KIFC3: variants seen among roughly 807,000 people sequenced by gnomAD.
The protein encoded by KIFC3 is kinesin-like protein KIFC3.
Under a neutral mutation model 101.8 loss-of-function variants are expected in KIFC3, and 60 were observed. The observed-to-expected ratio is 0.59, with a 90% CI of 0.48 to 0.73. The LOEUF (loss-of-function observed/expected upper bound fraction) is 0.73. KIFC3 is among the 30% of genes least tolerant of loss of function. The probability of loss-of-function intolerance (pLI) is 0.00; values close to 1 mark genes in which losing one functional copy is unlikely to be tolerated. For synonymous variants in KIFC3, 476 were observed against 482.7 expected (o/e 0.99, Z 0.18); for missense variants, 966 against 1,137.1 (o/e 0.85, Z 2.16).
intron 3 of KIFC3, among the ~76,000 whole-genome samples, chr16:57,782,682 G>T (rs1289530211): frequency 2.6e-5 from 4 of 152,214 alleles, no homozygotes; most frequent in Non-Finnish European, 5.9e-5. Flanking sequence ...GGTGGCTCAC[G>T]CCTGTAATCC....
intron 1 of KIFC3, among the ~76,000 whole-genome samples, chr16:57,831,644 C>G (rs1375260438): frequency 6.6e-6 from 1 of 152,078 alleles, no homozygotes; most frequent in African/African-American, 2.4e-5. Context: ...GAGCTATGAT[C>G]ATACCACTGC....
chr16:57,815,533 A>G (rs2055199737), intron 1 of KIFC3: 4 of 1,285,764 alleles, frequency 3.1e-6, no homozygotes, highest in Non-Finnish European at 4.1e-6. Flanking sequence ...TGACTCTTCT[A>G]CCAGGATGCC....
At chr16:57,758,996 G>A (rs2049465765) in intron 19 of KIFC3, 87 bp from the exon 20 acceptor site, 1 of 1,535,864 alleles carries the variant, frequency 6.5e-7, no homozygotes. Flanking sequence ...AGGGAACCCA[G>A]CAAAAGCACA....
chr16:57,860,445 C>A (rs2056280477), intron 1 of KIFC3, among the ~76,000 whole-genome samples: 2 of 151,660 alleles, frequency 1.3e-5, no homozygotes, highest in African/African-American at 4.8e-5. Flanking sequence ...AGGAGTGAAA[C>A]TCTGTCTCAA....
chr16:57,769,467 G>C lies in KIFC3; in HGVS notation c.1218+128C>G, dbSNP rs916876386. 2.0e-5 allele frequency: 24 copies of C among 1,177,174 alleles called. No individual in the cohort carries two copies. The highest frequency in any genetic ancestry group is 2.6e-5 in the Non-Finnish European group (22 of 847,598). 72.9% of individuals were successfully genotyped at this position (1,177,174 alleles called of 1,614,324 possible). A position where few individuals can be genotyped will look rare whatever the true frequency, so the allele number is the denominator to read the frequency against. On this transcript the variant is annotated intron_variant, in intron 9 of 19. Transcript: ENST00000445690. The surrounding 1 kb of genome is among the most constrained non-coding windows in gnomAD (Gnocchi z 4.3). ...TATAAGGGCAGCAGTAAGTGTCATG[G>C]GGGGTGGGGCAGGGGCTGCTGTCTG...
chr16:57,788,869 G>A (rs2053600321), intron 3 of KIFC3, among the ~76,000 whole-genome samples: 1 of 152,208 alleles, frequency 6.6e-6, no homozygotes, highest in Non-Finnish European at 1.5e-5. Context: ...TTGAGGTCCA[G>A]GATCTGGAAG....
chr16:57,856,570 G>T (rs1197045078), intron 1 of KIFC3, among the ~76,000 whole-genome samples: 1 of 151,856 alleles, frequency 6.6e-6, no homozygotes, highest in Non-Finnish European at 1.5e-5. Context: ...AGAAAGAAAA[G>T]AAAAGTGTAA....
chr16:57,771,616 C>A lies in KIFC3; in HGVS notation c.452G>T (p.Arg151Leu). The A allele has an allele frequency of 6.2e-7, 1 of 1,613,338 alleles. No homozygotes were observed. Among genetic ancestry groups the A allele is most frequent in the East Asian group, 2.2e-5 (1 of 44,864 alleles). The change falls in exon 5 of 20, where the codon CGG becomes CTG. Residue 151 changes from arginine (R) to leucine (L), a missense_variant. Transcript: ENST00000445690. ...CTCTTGCAGCTCGGCCTCACAGCGC[C>A]GCATCTCCTGCCTCAGTCGCTCATT... Reference protein sequence around the residue: ...VENERLRQEMRRCEAELQELR... With the variant: ...VENERLRQEMLRCEAELQELR...
At chr16:57,772,122 G>A (rs782219826) in intron 4 of KIFC3, 101 bp downstream of exon 4, 30 of 984,340 alleles carry the variant, frequency 3.0e-5, no homozygotes, top group African/African-American at 2.4e-4. Context: ...TGGGATATGC[G>A]GGCTCAGGAG....
intron 7 of KIFC3, 58 bp from the exon 8 acceptor site, chr16:57,770,013 G>A: frequency 3.8e-6 from 6 of 1,561,924 alleles, no homozygotes. Context: ...AGGGGCAGGT[G>A]CCACACCGAG....
intron 1 of KIFC3, among the ~76,000 whole-genome samples, chr16:57,850,991 TTCCTTCCC>T (rs1467241136): frequency 7.5e-6 from 1 of 132,976 alleles, no homozygotes; most frequent in African/African-American, 2.8e-5. Context: ...CCTTCCTTCC[TTCCTTCCC>T]TCCCTCCCTC....
At chr16:57,768,580 TGA>T (rs1375234569) in intron 9 of KIFC3, among the ~76,000 whole-genome samples, 2 of 148,932 alleles carry the variant, frequency 1.3e-5, no homozygotes, top group African/African-American at 5.0e-5. Context: ...GGGGAAATGC[TGA>T]GAGGCCACAT....
intron 1 of KIFC3, among the ~76,000 whole-genome samples, chr16:57,859,764 G>A (rs777796840): frequency 2.0e-5 from 3 of 152,052 alleles, no homozygotes; most frequent in Non-Finnish European, 4.4e-5. Context: ...TGACTCACTT[G>A]TAATCCCAGC....
chr16:57,828,759 T>A (rs1402182460), intron 1 of KIFC3, among the ~76,000 whole-genome samples: 2 of 152,006 alleles, frequency 1.3e-5, no homozygotes, highest in African/African-American at 2.4e-5. Flanking sequence ...AACAGCCCAC[T>A]CCCTACAGGA....
intron 1 of KIFC3, among the ~76,000 whole-genome samples, chr16:57,837,241 G>A (rs1382487489): frequency 6.6e-6 from 1 of 152,112 alleles, no homozygotes; most frequent in African/African-American, 2.4e-5. Flanking sequence ...GCCGAGACGG[G>A]TGGATTGCTT....
intron 1 of KIFC3, among the ~76,000 whole-genome samples, chr16:57,833,800 T>C (rs1331438181): frequency 6.6e-6 from 1 of 151,912 alleles, no homozygotes; most frequent in Non-Finnish European, 1.5e-5. Flanking sequence ...ATCAGTAGCA[T>C]TTTAAAAAGT....
At position 57,766,992 on chromosome 16, in the gene KIFC3, G is replaced by C. The variant is rs1185761001; in HGVS notation, c.1219-7C>G. ...CCTCGATGGCCTGGCCTATCTGGTG[G>C]GGGGTGCACACCACTGTCAGGGGGA... On this transcript the variant is annotated splice_polypyrimidine_tract_variant and splice_region_variant and intron_variant, in intron 9 of 19. Transcript: ENST00000445690. 1 of 1,600,590 alleles carries C rather than the reference G, an allele frequency of 6.2e-7. No homozygotes were observed. The highest frequency in any genetic ancestry group is 1.3e-5 in the African/African-American group (1 of 74,826).
chr16:57,817,577 A>G lies in KIFC3; in HGVS notation c.109-19295T>C, dbSNP rs576613029. Among the ~76,000 whole-genome samples, 289 of 151,874 alleles carry G rather than the reference A, an allele frequency of 1.9e-3. 1 individual carries two copies. The highest frequency in any genetic ancestry group is 3.1e-3 in the Non-Finnish European group (209 of 67,936). The stretch of plus-strand genomic sequence containing the variant: ...GGGCATGTCACACCAGTCTCTTTCC[A>G]CCTGCACATGGTGTTCTCTCTGTTT... On this transcript the variant is annotated intron_variant, in intron 1 of 2. Coordinates refer to the KIFC3 transcript ENST00000563028.
intron 1 of KIFC3, among the ~76,000 whole-genome samples, chr16:57,856,930 T>A (rs1053903005): frequency 6.6e-6 from 1 of 152,236 alleles, no homozygotes; most frequent in Admixed American, 6.5e-5. Flanking sequence ...TAGGTCCAGA[T>A]GGTTTTACTG....
Sources: gnomAD v4.1 joint callset for allele counts (sites outside exome capture counted in the v4.1 genomes callset) on GRCh38, gnomAD v4.1.1 for gene constraint, Gnocchi (gnomAD v3.1) non-coding constraint, MANE v1.5 for transcripts, NCBI Gene and HGNC (gene_info 2026-07-23, HGNC 2026-07-21) for gene names.